The following AQP1 variants were observed in gnomAD, a reference collection of about 807,000 sequenced individuals.
AQP1 encodes aquaporin-1.
AQP1 carries 11 observed loss-of-function variants against 19.7 expected under a neutral mutation model. The ratio of observed to expected loss-of-function variants is 0.56; its 90% CI spans 0.35 to 0.92. AQP1 has a LOEUF of 0.92. Among genes scored for constraint, AQP1 ranks in the 40% least tolerant of loss-of-function variants. The probability of loss-of-function intolerance (pLI) is 0.01; values close to 1 mark genes in which losing one functional copy is unlikely to be tolerated. For missense variants in AQP1, 320 were observed against 369.7 expected, an observed-to-expected ratio of 0.87 and a Z score of 1.10; for synonymous variants, 159 against 166.7, an observed-to-expected ratio of 0.95 and a Z score of 0.36.
chr7:30,918,379 G>A (rs1791413040), intron 1 of AQP1, among the ~76,000 whole-genome samples: 1 of 152,186 alleles, frequency 6.6e-6, no homozygotes, highest in African/African-American at 2.4e-5. Flanking sequence ...GTCAGCCCTG[G>A]ACACATGTGG....
chr7:30,921,939 C>A, intron 1 of AQP1, 127 bp from the exon 2 acceptor site: 4 of 1,557,668 alleles, frequency 2.6e-6, no homozygotes, highest in Non-Finnish European at 3.5e-6. Flanking sequence ...CTGTGATGGG[C>A]TCTGAAGGCC....
intron 1 of AQP1, among the ~76,000 whole-genome samples, chr7:30,916,084 T>C (rs1261635532): frequency 1.3e-5 from 2 of 152,152 alleles, no homozygotes; most frequent in African/African-American, 4.8e-5. Context: ...GCTTCCCCTT[T>C]AGGGACCTCA....
At position 30,922,647 on chromosome 7, in the gene AQP1, A is replaced by G. The variant is rs1791551904; in HGVS notation, c.630+3A>G. The G allele has an allele frequency of 6.2e-7, 1 of 1,613,598 alleles. No individual in the cohort carries two copies. The highest frequency in any genetic ancestry group is 8.5e-7 in the Non-Finnish European group (1 of 1,179,580). ...CACACAACTTCAGCAACCACTGGGT[A>G]GGAGACCCACGGGGGGTGGGGTGGG... On this transcript the variant is annotated splice_donor_region_variant and intron_variant, in intron 3 of 3. Transcript: ENST00000311813.
In AQP1 at chr7:30,924,066, C is replaced by T; in HGVS notation, c.*437C>T. ...CTTTTCCTAACATGCACCTTGCTCC[C>T]AATGGTGCTTGGAGGGGGAAGAGAT... On this transcript the variant is annotated 3_prime_UTR_variant, in exon 4 of 4. Coordinates refer to ENST00000311813, the MANE Select transcript of AQP1 (RefSeq NM_198098.4). 1 of 1,233,526 alleles carries T rather than the reference C, an allele frequency of 8.1e-7. No individual in the cohort carries two copies. 76.4% of individuals were successfully genotyped at this position (1,233,526 alleles called of 1,614,324 possible). A position where few individuals can be genotyped will look rare whatever the true frequency, so the allele number is the denominator to read the frequency against.
intron 1 of AQP1, among the ~76,000 whole-genome samples, chr7:30,918,942 G>A (rs1472278390): frequency 6.6e-6 from 1 of 152,128 alleles, no homozygotes; most frequent in South Asian, 2.1e-4. Context: ...CATCCTCCCT[G>A]GGCCTCAGCC....
chr7:30,923,462 G>C lies in AQP1; in HGVS notation c.643G>C (p.Gly215Arg), dbSNP rs1791581250. 1 of 1,613,842 alleles carries C rather than the reference G, an allele frequency of 6.2e-7. No homozygotes were observed. Among genetic ancestry groups the C allele is most frequent in the Non-Finnish European group, 8.5e-7 (1 of 1,179,978 alleles). ...NFSNHWIFWVGPFIGGALAVL... is the reference protein window; with the variant it reads ...NFSNHWIFWVRPFIGGALAVL... ...GCTCTGTTCCTAGATTTTCTGGGTG[G>C]GGCCATTCATCGGGGGAGCCCTGGC... is the stretch of plus-strand genomic sequence containing the variant. Residue 215 changes from glycine to arginine, a missense_variant, in exon 4 of 4, where the codon GGG becomes CGG. Physicochemically the swap from Gly to Arg is moderately radical, Grantham distance 125. Coordinates refer to ENST00000311813, the MANE Select transcript of AQP1 (RefSeq NM_198098.4). This position sits in a 1 kb window ranked among gnomAD's most constrained non-coding sequence, Gnocchi z 4.8.
chr7:30,913,644 G>A (rs1431703886), intron 1 of AQP1, among the ~76,000 whole-genome samples: 1 of 152,180 alleles, frequency 6.6e-6, no homozygotes, highest in Admixed American at 6.5e-5. Flanking sequence ...TGGTGCAGAG[G>A]GCAGCTGGCT....
chr7:30,922,110 C>T lies in AQP1; in HGVS notation c.429C>T (p.Ile143=), dbSNP rs1198494582. 1.2e-6 allele frequency: 2 copies of T among 1,614,128 alleles called. No homozygotes were observed. The highest frequency in any genetic ancestry group is 2.2e-5 in the East Asian group (1 of 44,878). Reference sequence around the variant, plus strand: ...CGGGCCAGGGCCTGGGCATCGAGATCATCGGGACCCTCCAGCTGGTGCTAT... The same window carrying T: ...CGGGCCAGGGCCTGGGCATCGAGATTATCGGGACCCTCCAGCTGGTGCTAT... ...VNSGQGLGIE[I]IGTLQLVLCV... Residue 143 remains isoleucine, a synonymous_variant, in exon 2 of 4, where the codon ATC becomes ATT. Transcript: ENST00000311813.
At chr7:30,922,332 G>C (rs1263315489) in intron 2 of AQP1, 102 bp downstream of exon 2, 5 of 1,479,458 alleles carry the variant, frequency 3.4e-6, no homozygotes, top group Non-Finnish European at 4.5e-6. Flanking sequence ...CAGGGCTCTT[G>C]CCATTGGGTG....
Position 30,912,195 on chromosome 7 carries a change from A to G in AQP1, c.286A>G (p.Met96Val), listed in dbSNP as rs1791184645. The G allele has an allele frequency of 2.5e-6, 4 of 1,612,238 alleles. No individual in the cohort carries two copies. The highest frequency in any genetic ancestry group is 1.3e-5 in the African/African-American group (1 of 75,014). ...SCQISIFRAL[M>V]YIIAQCVGAI... ...CCAGATCAGCATCTTCCGTGCCCTC[A>G]TGTACATCATCGCCCAGTGCGTGGG... Residue 96 changes from methionine (M) to valine (V), a missense_variant, in exon 1 of 4, where the codon ATG (methionine) becomes GTG (valine). Physicochemically the swap from Met to Val is conservative, Grantham distance 21. Coordinates refer to ENST00000311813, the MANE Select transcript of AQP1 (RefSeq NM_198098.4). The surrounding 1 kb of genome is among the most constrained non-coding windows in gnomAD (Gnocchi z 4.3).
At position 30,924,780 on chromosome 7, in the gene AQP1, T is replaced by G. The variant is rs972620560; in HGVS notation, c.*1151T>G. 2 of 152,254 alleles carry G rather than the reference T, an allele frequency of 1.3e-5. No individual in the cohort carries two copies. Among genetic ancestry groups the G allele is most frequent in the African/African-American group, 4.8e-5 (2 of 41,456 alleles). The allele number at this position is 152,254 out of a possible 1,614,324, so 9.4% of individuals were successfully genotyped here. On this transcript the variant is annotated 3_prime_UTR_variant, in exon 4 of 4. Transcript: ENST00000311813. ...AGCCCTCAGCTGGTCCTGACCAGGA[T>G]GGAGCAAGCTCTTCCCTTGCTCATG...
rs1319236931 is a variant in AQP1 at position 30,923,749 on chromosome 7, T to C, written c.*120T>C. The C allele has an allele frequency of 1.3e-6, 2 of 1,503,246 alleles. No homozygotes were observed. The highest frequency in any genetic ancestry group is 2.1e-5 in the Admixed American group (1 of 47,906). The allele number at this position is 1,503,246 out of a possible 1,614,324, so 93.1% of individuals were successfully genotyped here. The stretch of plus-strand genomic sequence containing the variant: ...GCTGGCCAAAGTCACTTCCCCAAGA[T>C]CTGCCAGACCTGCATGGTCAAGCCT... On this transcript the variant is annotated 3_prime_UTR_variant, in exon 4 of 4. Transcript: ENST00000311813. This position sits in a 1 kb window ranked among gnomAD's most constrained non-coding sequence, Gnocchi z 4.8.
chr7:30,919,156 G>A (rs1391619606), intron 1 of AQP1, among the ~76,000 whole-genome samples: 1 of 152,198 alleles, frequency 6.6e-6, no homozygotes, highest in East Asian at 1.9e-4. Context: ...CACACAGTAA[G>A]CCTCCCCTCA....
rs1237311997 is a variant in AQP1, at chr7:30,923,117, A to G, written c.631-333A>G. On this transcript the variant is annotated intron_variant, in intron 3 of 3. Transcript: ENST00000311813. This position sits in a 1 kb window ranked among gnomAD's most constrained non-coding sequence, Gnocchi z 4.8. ...TTAGCTCTTATGGTTGTGGATGTGG[A>G]TGTGCTAGGCCAGCTTTGCATTAGA... is the stretch of plus-strand genomic sequence containing the variant. Among the ~76,000 whole-genome samples the G allele has an allele frequency of 1.3e-5, 2 of 152,186 alleles. No homozygotes were observed. Among genetic ancestry groups the G allele is most frequent in the Non-Finnish European group, 2.9e-5 (2 of 68,042 alleles).
chr7:30,922,289 T>C (rs1584389837), intron 2 of AQP1, 59 bp downstream of exon 2: 18 of 1,529,086 alleles, frequency 1.2e-5, no homozygotes, highest in Admixed American at 2.0e-5. Context: ...GCTGGTGGGG[T>C]GCCCTGCCAT....
At chr7:30,918,327 G>A (rs987561016) in intron 1 of AQP1, among the ~76,000 whole-genome samples, 29 of 152,256 alleles carry the variant, frequency 1.9e-4, no homozygotes, top group Admixed American at 1.2e-3. Context: ...TAATTATTGT[G>A]TAATAAACCA....
rs371029168 is a variant in AQP1 at position 30,920,369 on chromosome 7, C to T, written c.385-1697C>T. On this transcript the variant is annotated intron_variant, in intron 1 of 3. Transcript: ENST00000311813. ...AGTGTGGGTGGGCATCAGGACTAGC[C>T]GGGCTGGCCTCACCAGCCTCAACCC... Among the ~76,000 whole-genome samples the T allele has an allele frequency of 2.4e-4, 37 of 152,256 alleles. No individual in the cohort carries two copies. The South Asian group carries it at 6.8e-3, about 28-fold the overall frequency.
At chr7:30,919,888 G>A (rs1693278613) in intron 1 of AQP1, among the ~76,000 whole-genome samples, 1 of 152,128 alleles carries the variant, frequency 6.6e-6, no homozygotes, top group African/African-American at 2.4e-5. Context: ...AGGCTTCCTG[G>A]TGGTAGTGGT....
At position 30,924,556 on chromosome 7, in the gene AQP1, C is replaced by T. The variant is rs1791629461; in HGVS notation, c.*927C>T. ...TTCTCTGAGTTTTAGTTGGTCTTTC[C>T]ATCTATCACTGCATTATCTTGCTCA... On this transcript the variant is annotated 3_prime_UTR_variant, in exon 4 of 4. Coordinates refer to ENST00000311813, the MANE Select transcript of AQP1 (RefSeq NM_198098.4). 1 of 152,552 alleles carries T rather than the reference C, an allele frequency of 6.6e-6. No homozygotes were observed. 9.4% of individuals were successfully genotyped at this position (152,552 alleles called of 1,614,324 possible). A position where few individuals can be genotyped will look rare whatever the true frequency, so the allele number is the denominator to read the frequency against.
Sources: gnomAD v4.1 joint callset for allele counts (sites outside exome capture counted in the v4.1 genomes callset) on GRCh38, gnomAD v4.1.1 for gene constraint, Gnocchi (gnomAD v3.1) non-coding constraint, MANE v1.5 for transcripts, NCBI Gene and HGNC (gene_info 2026-07-23, HGNC 2026-07-21) for gene names.